Variants in STIM1 observed in about 807,000 individuals in gnomAD.
STIM1 encodes stromal interaction molecule 1.
STIM1 carries 25 observed loss-of-function variants against 74.7 expected under a neutral mutation model. The ratio of observed to expected loss-of-function variants is 0.33; its 90% CI spans 0.24 to 0.47. The LOEUF (loss-of-function observed/expected upper bound fraction) is 0.47. Ranked by LOEUF, STIM1 falls within the 20% of genes least tolerant of loss-of-function variation. STIM1 has a pLI of 1.00. For missense variants in STIM1, 728 were observed against 920.8 expected (o/e 0.79, Z 2.71); for synonymous variants, 328 against 348.8 (o/e 0.94, Z 0.66).
chr11:4,023,330 GACAAACAAACAAACAA>G (rs74727994), intron 2 of STIM1, among the ~76,000 whole-genome samples: 1 of 150,762 alleles, frequency 6.6e-6, no homozygotes, highest in Non-Finnish European at 1.5e-5. Context: ...TCTGTCTCAA[GACAAACAAACAAACAA>G]ACAAACAAAC....
chr11:3,921,910 A>G (rs2092722328), intron 1 of STIM1: 1 of 152,180 alleles, frequency 6.6e-6, no homozygotes, highest in Admixed American at 6.5e-5. Context: ...CTTGCTGGGA[A>G]TGTGAGTGAG....
At chr11:4,007,731 G>A (rs1319139186) in intron 2 of STIM1, among the ~76,000 whole-genome samples, 1 of 152,134 alleles carries the variant, frequency 6.6e-6, no homozygotes, top group African/African-American at 2.4e-5. Context: ...CAGTACTTTA[G>A]TGTACAACAG....
chr11:3,998,678 G>A (rs1448015790), intron 2 of STIM1, among the ~76,000 whole-genome samples: 1 of 152,124 alleles, frequency 6.6e-6, no homozygotes, highest in Non-Finnish European at 1.5e-5. Context: ...GAGTAAGAGG[G>A]GGATAATGTA....
At chr11:3,860,682 A>G (rs1304444897) in intron 1 of STIM1, among the ~76,000 whole-genome samples, 3 of 152,182 alleles carry the variant, frequency 2.0e-5, no homozygotes, top group African/African-American at 7.2e-5. Flanking sequence ...CTATTTTTAC[A>G]TATGAGGAAA....
At chr11:3,878,330 A>G (rs1186405306) in intron 1 of STIM1, among the ~76,000 whole-genome samples, 1 of 152,138 alleles carries the variant, frequency 6.6e-6, no homozygotes. Context: ...AGGTAGCTAT[A>G]ATTAGTCTTG....
chr11:3,910,516 T>G (rs1044996303), intron 1 of STIM1, among the ~76,000 whole-genome samples: 6 of 152,012 alleles, frequency 3.9e-5, no homozygotes, highest in Admixed American at 3.9e-4. Flanking sequence ...TTGCTTGAGT[T>G]TAGGAGTTCA....
At chr11:3,983,124 G>A (rs1189389849) in intron 2 of STIM1, among the ~76,000 whole-genome samples, 1 of 152,110 alleles carries the variant, frequency 6.6e-6, no homozygotes, top group Non-Finnish European at 1.5e-5. Flanking sequence ...AGTAGAGAAG[G>A]GGTTTCTCTG....
chr11:4,078,862 C>T (rs2094450555), intron 7 of STIM1, among the ~76,000 whole-genome samples: 1 of 151,938 alleles, frequency 6.6e-6, no homozygotes, highest in African/African-American at 2.4e-5. Flanking sequence ...TGAGCCACCA[C>T]ACTTAGCGAG....
rs376329167 is a variant in STIM1, at chr11:3,992,081, G to GCTTTTTTTTTTTTTTTT, written c.270+24399_270+24400insCTTTTTTTTTTTTTTTT. On this transcript the variant is annotated intron_variant, in intron 2 of 12. Transcript: ENST00000526596. ...TTTCTCTGCAGCCTTGCCAACATCT[G>GCTTTTTTTTTTTTTTTT]TTTTTTTGTTTTTTTTTTTTTTTTT... Among the ~76,000 whole-genome samples the GCTTTTTTTTTTTTTTTT allele has an allele frequency of 1.4e-3, 130 of 91,948 alleles. 6 individuals carry two copies. Among genetic ancestry groups the GCTTTTTTTTTTTTTTTT allele is most frequent in the South Asian group, 2.0e-3 (5 of 2,512 alleles). The allele number at this position is 91,948 out of a possible 152,430, so 60.3% of individuals were successfully genotyped here.
rs978287455 is a variant in STIM1, at chr11:3,966,037, CAAA to C, written c.140-1509_140-1507del. Reference sequence around the variant, plus strand: ...ACAAACAAACAAACAAACAAAAAACCAAAAAAAACCCCATTTCTTCAATGTTCT... The same window carrying C: ...ACAAACAAACAAACAAACAAAAAACCAAAAACCCCATTTCTTCAATGTTCT... On this transcript the variant is annotated intron_variant, in intron 1 of 12. Transcript: ENST00000526596. Among the ~76,000 whole-genome samples, 85 of 151,300 alleles carry C rather than the reference CAAA, an allele frequency of 5.6e-4. 1 individual carries two copies. Among genetic ancestry groups the C allele is most frequent in the Non-Finnish European group, 1.5e-4 (10 of 67,746 alleles).
At chr11:4,043,851 C>T (rs940416453) in intron 3 of STIM1, among the ~76,000 whole-genome samples, 1 of 151,722 alleles carries the variant, frequency 6.6e-6, no homozygotes, top group African/African-American at 2.4e-5. Flanking sequence ...CCTGTCTCTA[C>T]TAAAAATACA....
intron 5 of STIM1, among the ~76,000 whole-genome samples, chr11:4,067,202 C>T (rs942509321): frequency 2.1e-4 from 32 of 152,164 alleles, no homozygotes; most frequent in Admixed American, 6.5e-4. Context: ...AAGCTGAGGT[C>T]TAGATAGGGG....
chr11:3,859,395 G>A (rs945420331), intron 1 of STIM1, among the ~76,000 whole-genome samples: 1 of 152,134 alleles, frequency 6.6e-6, no homozygotes, highest in Non-Finnish European at 1.5e-5. Flanking sequence ...TGCTACTCTG[G>A]GGCTTGCGTT....
At chr11:3,902,162 G>T (rs2092366410) in intron 1 of STIM1, among the ~76,000 whole-genome samples, 1 of 152,206 alleles carries the variant, frequency 6.6e-6, no homozygotes, top group African/African-American at 2.4e-5. Context: ...TAATAGAGAT[G>T]ATTAGATATG....
chr11:3,983,358 C>G (rs1191913558), intron 2 of STIM1, among the ~76,000 whole-genome samples: 1 of 152,212 alleles, frequency 6.6e-6, no homozygotes, highest in South Asian at 2.1e-4. Context: ...GCCTCAGTTC[C>G]TGGGGAGGTA....
chr11:4,060,735 CTTCT>C, intron 5 of STIM1, among the ~76,000 whole-genome samples: 1 of 152,316 alleles, frequency 6.6e-6, no homozygotes, highest in East Asian at 1.9e-4. Flanking sequence ...CTCTCCAGTA[CTTCT>C]ATCTAAATGG....
chr11:3,974,220 GACT>G, intron 2 of STIM1: 1 of 467,850 alleles, frequency 2.1e-6, no homozygotes, highest in Non-Finnish European at 3.9e-6. Context: ...CTACTTAAGA[GACT>G]CTGTCTTAGA....
rs180776703 is a variant in STIM1 at position 3,883,693 on chromosome 11, T to C, written c.139+27284T>C. Among the ~76,000 whole-genome samples the C allele has an allele frequency of 3.2e-3, 489 of 152,338 alleles. 2 individuals carry two copies. Among genetic ancestry groups the C allele is most frequent in the African/African-American group, 0.011 (450 of 41,586 alleles). On this transcript the variant is annotated intron_variant, in intron 1 of 12. Coordinates refer to ENST00000526596, the MANE Select transcript of STIM1 (RefSeq NM_001382567.1). ...TATTGTCTGCTTCAAACCACTAAGT[T>C]ATATTTTCTAGAGTCAGGGATTATA...
At chr11:4,010,189 G>C (rs77626514) in intron 2 of STIM1, among the ~76,000 whole-genome samples, 2 of 84,158 alleles carry the variant, frequency 2.4e-5, no homozygotes, top group African/African-American at 6.5e-5. Flanking sequence ...TTTTTTTTTT[G>C]AGACAGAGTC....
Sources: gnomAD v4.1 joint callset for allele counts (sites outside exome capture counted in the v4.1 genomes callset) on GRCh38, gnomAD v4.1.1 for gene constraint, MANE v1.5 for transcripts, NCBI Gene and HGNC (gene_info 2026-07-23, HGNC 2026-07-21) for gene names.